The following SMAD3 variants were observed in gnomAD, a reference collection of about 807,000 sequenced individuals.
The protein encoded by SMAD3 is MAD homolog 3.
In SMAD3, 12 loss-of-function variants were observed where a neutral mutation model predicts 51.8. The observed-to-expected ratio is 0.23, with a 90% CI of 0.15 to 0.38. The LOEUF (loss-of-function observed/expected upper bound fraction) is 0.38, where lower values mean the gene tolerates loss of function less well. Among genes scored for constraint, SMAD3 ranks in the 10% least tolerant of loss-of-function variants. The probability of loss-of-function intolerance (pLI) is 1.00; values close to 1 mark genes in which losing one functional copy is unlikely to be tolerated. For synonymous variants in SMAD3, 238 were observed against 227.7 expected (o/e 1.05, Z -0.41); for missense variants, 294 against 565.6 (o/e 0.52, Z 4.87).
rs1265139987 is a variant in SMAD3 at position 67,170,769 on chromosome 15, G to A, written c.658+165G>A. The A allele has an allele frequency of 3.1e-5, 19 of 614,358 alleles. No homozygotes were observed. In the East Asian group the frequency reaches 4.1e-4, roughly 13 times the overall value. The allele number at this position is 614,358 out of a possible 1,614,324, so 38.1% of individuals were successfully genotyped here. ...GTTACGGTGATGTTGAGGTCACCACGGAATGGGGAAACTTGAGAACAGTGG... is the reference window on the plus strand; with the variant it reads ...GTTACGGTGATGTTGAGGTCACCACAGAATGGGGAAACTTGAGAACAGTGG... On this transcript the variant is annotated intron_variant, in intron 5 of 8. Coordinates refer to ENST00000327367, the MANE Select transcript of SMAD3 (RefSeq NM_005902.4).
intron 7 of SMAD3, chr15:67,186,966 G>A (rs922171521): frequency 1.6e-5 from 7 of 432,396 alleles, no homozygotes; most frequent in Non-Finnish European, 3.2e-5. Flanking sequence ...CACACAGCAT[G>A]GGCAACCTGG....
intron 1 of SMAD3, among the ~76,000 whole-genome samples, chr15:67,095,142 G>C (rs1304767843): frequency 6.6e-6 from 1 of 152,138 alleles, no homozygotes; most frequent in African/African-American, 2.4e-5. Context: ...ATCAAAAGAT[G>C]GCTGCGTGCT....
chr15:67,123,450 GATTGTGCC>G (rs1961314923), intron 1 of SMAD3, among the ~76,000 whole-genome samples: 1 of 152,214 alleles, frequency 6.6e-6, no homozygotes, highest in African/African-American at 2.4e-5. Flanking sequence ...AGTGAGCCAA[GATTGTGCC>G]ATCGCACTCC....
chr15:67,149,607 A>G (rs1326360874), intron 1 of SMAD3, among the ~76,000 whole-genome samples: 1 of 151,648 alleles, frequency 6.6e-6, no homozygotes, highest in Non-Finnish European at 1.5e-5. Flanking sequence ...TCCTGCCCAT[A>G]GGGGTTCTTT....
intron 1 of SMAD3, among the ~76,000 whole-genome samples, chr15:67,068,596 C>T (rs1265409689): frequency 6.6e-6 from 1 of 152,214 alleles, no homozygotes; most frequent in Non-Finnish European, 1.5e-5. Context: ...AGGACTGAGG[C>T]ATCTTCTGCC....
At chr15:67,140,612 T>G (rs1961792454) in intron 1 of SMAD3, among the ~76,000 whole-genome samples, 1 of 151,972 alleles carries the variant, frequency 6.6e-6, no homozygotes, top group Admixed American at 6.6e-5. Context: ...GACAGGACAG[T>G]GAGAGTGAAA....
At chr15:67,153,526 T>C (rs1962203793) in intron 1 of SMAD3, among the ~76,000 whole-genome samples, 1 of 152,132 alleles carries the variant, frequency 6.6e-6, no homozygotes, top group South Asian at 2.1e-4. Context: ...TCCCGCATCT[T>C]GCTCATCTCA....
intron 1 of SMAD3, among the ~76,000 whole-genome samples, chr15:67,069,516 C>T (rs375241382): frequency 3.9e-5 from 6 of 152,174 alleles, no homozygotes; most frequent in African/African-American, 1.4e-4. Context: ...CTGGTAGACA[C>T]TGGTAGCTTG....
chr15:67,195,094 A>G lies in SMAD3; in HGVS notation c.*4558A>G, dbSNP rs973447838. 3.4e-5 allele frequency: 8 copies of G among 233,180 alleles called. No individual in the cohort carries two copies. The highest frequency in any genetic ancestry group is 6.8e-5 in the Non-Finnish European group (8 of 117,752). 14.4% of individuals were successfully genotyped at this position (233,180 alleles called of 1,614,324 possible). A position where few individuals can be genotyped will look rare whatever the true frequency, so the allele number is the denominator to read the frequency against. ...GCACCTGTTTAAGCATTGTACCCCTATTGTTAAAGATTTGTGTCCTCTCAT... is the reference window on the plus strand; with the variant it reads ...GCACCTGTTTAAGCATTGTACCCCTGTTGTTAAAGATTTGTGTCCTCTCAT... On this transcript the variant is annotated 3_prime_UTR_variant, in exon 9 of 9. Coordinates refer to ENST00000327367, the MANE Select transcript of SMAD3 (RefSeq NM_005902.4).
chr15:67,189,792 A>T (rs1963312665), intron 8 of SMAD3, among the ~76,000 whole-genome samples: 2 of 152,136 alleles, frequency 1.3e-5, no homozygotes, highest in South Asian at 4.1e-4. Context: ...TGCTTTGGGG[A>T]AAAGAAACGT....
chr15:67,089,758 C>T (rs964384076), intron 1 of SMAD3, among the ~76,000 whole-genome samples: 10 of 152,330 alleles, frequency 6.6e-5, no homozygotes, highest in African/African-American at 2.2e-4. Context: ...CACGTCATTT[C>T]GTTTCATCTC....
chr15:67,142,238 A>G (rs1961849874), intron 1 of SMAD3, among the ~76,000 whole-genome samples: 1 of 140,424 alleles, frequency 7.1e-6, no homozygotes, highest in African/African-American at 2.7e-5. Flanking sequence ...CAGTGTTCAA[A>G]TGTTTAATAG....
intron 7 of SMAD3, among the ~76,000 whole-genome samples, chr15:67,185,119 G>A (rs1035440392): frequency 6.6e-6 from 1 of 151,136 alleles, no homozygotes; most frequent in Admixed American, 6.6e-5. Context: ...GTGCGTAGAT[G>A]CTCAGGCAGT....
chr15:67,145,259 C>G (rs537133468), intron 1 of SMAD3, among the ~76,000 whole-genome samples: 6 of 152,268 alleles, frequency 3.9e-5, no homozygotes, highest in African/African-American at 1.2e-4. Flanking sequence ...AGGAGTGACT[C>G]AGGAATAAGC....
intron 1 of SMAD3, among the ~76,000 whole-genome samples, chr15:67,101,407 T>A (rs773957815): frequency 1.3e-5 from 2 of 152,174 alleles, no homozygotes; most frequent in Non-Finnish European, 2.9e-5. Flanking sequence ...TTTAAATACT[T>A]GGATGTCAGA....
chr15:67,066,685 C>T (rs954965371), intron 1 of SMAD3, among the ~76,000 whole-genome samples: 3 of 152,170 alleles, frequency 2.0e-5, no homozygotes, highest in Non-Finnish European at 2.9e-5. Context: ...GGAGCTGGGG[C>T]TGGAAGTTGA....
At chr15:67,183,029 A>ATTTTTTTTTTT (rs1567000858) in intron 6 of SMAD3, among the ~76,000 whole-genome samples, 5 of 48,112 alleles carry the variant, frequency 1.0e-4, no homozygotes, top group African/African-American at 5.0e-4. Context: ...ATATATATAT[A>ATTTTTTTTTTT]TATTTTTTTT....
At chr15:67,142,846 T>C (rs1299395740) in intron 1 of SMAD3, 3 of 454,834 alleles carry the variant, frequency 6.6e-6, no homozygotes, top group South Asian at 3.1e-5. Context: ...GGGCACCCCA[T>C]GTAGAGCTGG....
intron 1 of SMAD3, among the ~76,000 whole-genome samples, chr15:67,127,199 C>T (rs949480231): frequency 1.1e-4 from 17 of 152,196 alleles, no homozygotes; most frequent in African/African-American, 3.6e-4. Flanking sequence ...GGGCCAGGCT[C>T]ATGAATGGAT....
Sources: allele counts gnomAD v4.1 joint callset (sites outside exome capture counted in the v4.1 genomes callset), GRCh38; gene constraint gnomAD v4.1.1; transcripts MANE v1.5; gene names NCBI Gene and HGNC (gene_info 2026-07-23, HGNC 2026-07-21).